The following SLIT3 variants were observed in gnomAD, a reference collection of about 807,000 sequenced individuals.
SLIT3 encodes slit homolog 3 protein.
A neutral mutation model predicts 184.0 loss-of-function variants in SLIT3; 68 were observed. That is an observed-to-expected ratio of 0.37 (90% CI 0.30 to 0.45). SLIT3 has a LOEUF of 0.45. Among genes scored for constraint, SLIT3 ranks in the 20% least tolerant of loss-of-function variants. SLIT3 has a pLI of 1.00. For synonymous variants in SLIT3, 831 were observed against 828.6 expected, an observed-to-expected ratio of 1.00 and a Z score of -0.05; for missense variants, 1,707 against 2,026.0, an observed-to-expected ratio of 0.84 and a Z score of 3.02.
chr5:169,147,081 G>A (rs1430677001), intron 4 of SLIT3, among the ~76,000 whole-genome samples: 1 of 152,170 alleles, frequency 6.6e-6, no homozygotes, highest in Non-Finnish European at 1.5e-5. Context: ...CCTTGAAGAT[G>A]CAACCATATC....
intron 4 of SLIT3, among the ~76,000 whole-genome samples, chr5:169,056,702 G>A (rs933281113): frequency 1.3e-5 from 2 of 152,156 alleles, no homozygotes; most frequent in Non-Finnish European, 2.9e-5. Flanking sequence ...TCCTGCAGCT[G>A]TGGATTTCAT....
chr5:169,189,023 G>A (rs1305521963), intron 4 of SLIT3, among the ~76,000 whole-genome samples: 1 of 152,132 alleles, frequency 6.6e-6, no homozygotes, highest in Non-Finnish European at 1.5e-5. Flanking sequence ...TATTTATTGA[G>A]TGACCCAAGC....
At chr5:168,948,872 C>A (rs1762566041) in intron 4 of SLIT3, among the ~76,000 whole-genome samples, 1 of 152,170 alleles carries the variant, frequency 6.6e-6, no homozygotes, top group Non-Finnish European at 1.5e-5. Flanking sequence ...GACTAATTGT[C>A]AGGGCCTGGG....
chr5:168,880,193 T>C (rs955065570), intron 5 of SLIT3, among the ~76,000 whole-genome samples: 2 of 152,204 alleles, frequency 1.3e-5, no homozygotes, highest in African/African-American at 4.8e-5. Context: ...CCTCATCTCC[T>C]GCCCCGACCT....
At chr5:168,708,526 G>C in intron 25 of SLIT3, 1 of 228,610 alleles carries the variant, frequency 4.4e-6, no homozygotes. Context: ...AGGCTAAGCA[G>C]GGCACAGTGC....
intron 4 of SLIT3, among the ~76,000 whole-genome samples, chr5:168,999,876 G>A (rs906695676): frequency 4.6e-5 from 7 of 152,214 alleles, no homozygotes; most frequent in Admixed American, 4.6e-4. Context: ...CTGCTGGACT[G>A]CTCAGTCATT....
At chr5:168,831,147 C>G (rs549485709) in intron 6 of SLIT3, among the ~76,000 whole-genome samples, 1 of 152,188 alleles carries the variant, frequency 6.6e-6, no homozygotes. Context: ...CCTAGTGGCC[C>G]TTACTGTTGG....
intron 4 of SLIT3, among the ~76,000 whole-genome samples, chr5:169,033,428 G>A (rs929451792): frequency 6.6e-5 from 10 of 152,102 alleles, no homozygotes; most frequent in Non-Finnish European, 1.2e-4. Context: ...TTTATGAGGC[G>A]GTGATTTCAT....
intron 4 of SLIT3, among the ~76,000 whole-genome samples, chr5:168,897,646 G>GCACACACACACACACACACACACA: frequency 6.4e-4 from 67 of 105,432 alleles, no homozygotes; most frequent in African/African-American, 2.4e-3. Flanking sequence ...ACAGGTGCAC[G>GCACACACACACACACACACACACA]TACACACACA....
chr5:169,134,120 G>A (rs1445647505), intron 4 of SLIT3, among the ~76,000 whole-genome samples: 1 of 152,186 alleles, frequency 6.6e-6, no homozygotes, highest in African/African-American at 2.4e-5. Context: ...TAGATAAAAA[G>A]CAACTGATTC....
intron 14 of SLIT3, chr5:168,772,580 G>A (rs4867901): frequency 0.094 from 49,244 of 522,946 alleles, 2,145 homozygotes; most frequent in Non-Finnish European, 0.11. Context: ...TTGTGTGTGT[G>A]TGTGTGTGTG....
chr5:168,911,692 C>G (rs1761258824), intron 4 of SLIT3, among the ~76,000 whole-genome samples: 2 of 152,142 alleles, frequency 1.3e-5, no homozygotes. Context: ...ATGTCGGGAT[C>G]ATAGCGGGAA....
chr5:169,053,650 T>A (rs1757887765), intron 4 of SLIT3, among the ~76,000 whole-genome samples: 1 of 152,200 alleles, frequency 6.6e-6, no homozygotes, highest in South Asian at 2.1e-4. Flanking sequence ...CTGTTTAGTT[T>A]CCACCACTCA....
At chr5:168,971,186 A>G (rs921209338) in intron 4 of SLIT3, among the ~76,000 whole-genome samples, 6 of 152,372 alleles carry the variant, frequency 3.9e-5, no homozygotes, top group East Asian at 3.9e-4. Flanking sequence ...AGTGTGCACC[A>G]TCTAGTGACC....
At chr5:168,819,012 T>C (rs1434697525) in intron 7 of SLIT3, among the ~76,000 whole-genome samples, 1 of 152,274 alleles carries the variant, frequency 6.6e-6, no homozygotes, top group Non-Finnish European at 1.5e-5. Flanking sequence ...TGGATGTAAT[T>C]TCCTTTTTGC....
rs1364896968 is a variant in SLIT3, at chr5:169,193,522, G to A, written c.370C>T (p.Leu124Phe). The change falls in exon 4 of 36, where the codon CTT (leucine) becomes TTT (phenylalanine). Residue 124 changes from leucine (L) to phenylalanine (F), a missense_variant. Leu to Phe is a conservative substitution (Grantham distance 22). Around this residue, in one of 3 missense-constraint regions of SLIT3, gnomAD observed 1,307 missense variants for 1,511.6 expected, o/e 0.86. Transcript: ENST00000519560. ...LRLNKNKLQV[L>F]PELLFQSTPK... is the part of the protein sequence containing the mutation. ...GTGCTCTGGAAAAGCAATTCTGGAA[G>A]GACTTGCAGCTTATTCTTGTTCAGG... The A allele has an allele frequency of 2.5e-6, 4 of 1,614,070 alleles. No individual in the cohort carries two copies. Among genetic ancestry groups the A allele is most frequent in the Non-Finnish European group, 1.7e-6 (2 of 1,179,952 alleles).
chr5:168,849,504 C>T (rs192016669), intron 5 of SLIT3, among the ~76,000 whole-genome samples: 1 of 152,188 alleles, frequency 6.6e-6, no homozygotes, highest in South Asian at 2.1e-4. Flanking sequence ...ACAAGGGAAG[C>T]CTTACTAGAA....
chr5:169,157,003 A>C (rs1472762975), intron 4 of SLIT3, among the ~76,000 whole-genome samples: 1 of 151,830 alleles, frequency 6.6e-6, no homozygotes, highest in Non-Finnish European at 1.5e-5. Context: ...TAATCACTTG[A>C]CTCTAACGAG....
At chr5:168,944,542 A>G (rs1156288129) in intron 4 of SLIT3, among the ~76,000 whole-genome samples, 1 of 152,160 alleles carries the variant, frequency 6.6e-6, no homozygotes, top group Non-Finnish European at 1.5e-5. Context: ...CCACCGAAGC[A>G]TGCCATACTT....
Sources: gnomAD v4.1 joint callset for allele counts (sites outside exome capture counted in the v4.1 genomes callset) on GRCh38, gnomAD v4.1.1 for gene constraint, gnomAD v4.1.1 regional missense constraint, MANE v1.5 for transcripts, NCBI Gene and HGNC (gene_info 2026-07-23, HGNC 2026-07-21) for gene names.